The following RNF220 variants were observed in gnomAD, a reference collection of about 807,000 sequenced individuals.
RNF220 encodes ring finger protein 220.
Under a neutral mutation model 67.1 loss-of-function variants are expected in RNF220, and 7 were observed. That is an observed-to-expected ratio of 0.10 (90% CI 0.06 to 0.20). The LOEUF (loss-of-function observed/expected upper bound fraction) is 0.20. Ranked by LOEUF, RNF220 falls within the 10% of genes least tolerant of loss-of-function variation. RNF220 has a pLI of 1.00. For synonymous variants in RNF220, 270 were observed against 283.2 expected (o/e 0.95, Z 0.47); for missense variants, 565 against 740.3 (o/e 0.76, Z 2.75).
At chr1:44,493,563 C>T (rs1657053590) in intron 2 of RNF220, among the ~76,000 whole-genome samples, 1 of 152,050 alleles carries the variant, frequency 6.6e-6, no homozygotes, top group African/African-American at 2.4e-5. Flanking sequence ...TGTGTTTAGA[C>T]TTGGATCCTA....
Position 44,649,858 on chromosome 1 carries a change from C to T in RNF220, c.1555-25C>T, listed in dbSNP as rs752551970. The T allele has an allele frequency of 6.2e-7, 1 of 1,613,816 alleles. No individual in the cohort carries two copies. The highest frequency in any genetic ancestry group is 8.5e-7 in the Non-Finnish European group (1 of 1,179,792). On this transcript the variant is annotated intron_variant, in intron 13 of 14. Coordinates refer to ENST00000361799, the MANE Select transcript of RNF220 (RefSeq NM_018150.4). The surrounding 1 kb of genome is among the most constrained non-coding windows in gnomAD (Gnocchi z 5.9). The stretch of plus-strand genomic sequence containing the variant: ...GAGGGTGGGCCTACCTCAGAGTGAC[C>T]CCTTCTCTGCCCCCTCCTCCCTAGG...
intron 2 of RNF220, among the ~76,000 whole-genome samples, chr1:44,496,491 G>A (rs1328366943): frequency 6.6e-6 from 1 of 152,090 alleles, no homozygotes; most frequent in Non-Finnish European, 1.5e-5. Flanking sequence ...TTAATGCTAA[G>A]GAAAAAAGGG....
intron 2 of RNF220, among the ~76,000 whole-genome samples, chr1:44,488,137 A>ATT (rs34017881): frequency 0.019 from 2,578 of 137,322 alleles, 59 homozygotes; most frequent in African/African-American, 0.045. Flanking sequence ...TGCCTTGCTG[A>ATT]TTTTTTTTTT....
At chr1:44,569,847 G>T (rs771426068) in intron 2 of RNF220, among the ~76,000 whole-genome samples, 6 of 152,174 alleles carry the variant, frequency 3.9e-5, no homozygotes, top group Non-Finnish European at 7.4e-5. Flanking sequence ...TTGTTTAGAC[G>T]CCCTCTACCC....
Position 44,496,584 on chromosome 1 carries a change from G to A in RNF220, c.625+83862G>A, listed in dbSNP as rs116593555. On this transcript the variant is annotated intron_variant, in intron 2 of 14. Transcript: ENST00000361799. ...CCAAGGGGAAAAAGCCACATGCCCC[G>A]GCGTAGGAAAGGGTGACTTGTCACT... is the stretch of plus-strand genomic sequence containing the variant. Among the ~76,000 whole-genome samples, 1,135 of 152,218 alleles carry A rather than the reference G, an allele frequency of 7.5e-3. 13 individuals are homozygous for A. The highest frequency in any genetic ancestry group is 0.026 in the African/African-American group (1,082 of 41,532).
At chr1:44,411,682 C>G (rs998713192) in intron 1 of RNF220, among the ~76,000 whole-genome samples, 10 of 152,188 alleles carry the variant, frequency 6.6e-5, no homozygotes, top group African/African-American at 1.4e-4. Flanking sequence ...CTCATTTGTT[C>G]AGAGAATATC....
At chr1:44,578,386 T>C (rs1032299843) in intron 2 of RNF220, among the ~76,000 whole-genome samples, 4 of 152,086 alleles carry the variant, frequency 2.6e-5, no homozygotes, top group African/African-American at 9.7e-5. Flanking sequence ...TGGCCTCAAG[T>C]GATCCTCCCA....
chr1:44,415,030 T>C (rs2147814154), intron 2 of RNF220, among the ~76,000 whole-genome samples: 1 of 148,324 alleles, frequency 6.7e-6, no homozygotes, highest in South Asian at 2.2e-4. Flanking sequence ...CTTCCTTACC[T>C]TAGGTGGTTA....
intron 2 of RNF220, among the ~76,000 whole-genome samples, chr1:44,416,015 GCAT>G (rs56700584): frequency 0.17 from 26,248 of 152,168 alleles, 2,809 homozygotes; most frequent in Admixed American, 0.25. Context: ...TTTGGGTCAA[GCAT>G]CATCTTTCCT....
chr1:44,491,662 C>CTT (rs559101799), intron 2 of RNF220, among the ~76,000 whole-genome samples: 1 of 145,062 alleles, frequency 6.9e-6, no homozygotes, highest in Admixed American at 6.9e-5. Context: ...GATGTCCACT[C>CTT]TTTTTTTTTT....
chr1:44,507,509 C>T (rs1166497685), intron 2 of RNF220, among the ~76,000 whole-genome samples: 4 of 151,828 alleles, frequency 2.6e-5, no homozygotes, highest in African/African-American at 7.3e-5. Context: ...TTCTTGGCCT[C>T]GTCAGTCCTG....
intron 2 of RNF220, among the ~76,000 whole-genome samples, chr1:44,514,015 C>A (rs768766047): frequency 6.6e-6 from 1 of 152,234 alleles, no homozygotes; most frequent in Admixed American, 6.5e-5. Context: ...ATAGTATCAC[C>A]ACAGCAGACC....
intron 2 of RNF220, among the ~76,000 whole-genome samples, chr1:44,601,224 A>AT (rs1666895914): frequency 6.6e-6 from 1 of 152,218 alleles, no homozygotes; most frequent in African/African-American, 2.4e-5. Flanking sequence ...AGTAGTTACC[A>AT]TAGAATGGTG....
intron 2 of RNF220, among the ~76,000 whole-genome samples, chr1:44,539,442 T>A (rs1661506472): frequency 1.3e-5 from 2 of 152,086 alleles, no homozygotes; most frequent in Admixed American, 6.5e-5. Flanking sequence ...TAAATACCAT[T>A]GAGCCACTCT....
intron 2 of RNF220, among the ~76,000 whole-genome samples, chr1:44,586,759 C>T (rs1044188881): frequency 2.6e-5 from 4 of 152,106 alleles, no homozygotes; most frequent in South Asian, 2.1e-4. Flanking sequence ...AGAGGAATAT[C>T]GCAAGGGCAA....
chr1:44,483,774 T>A (rs189460902), intron 2 of RNF220, among the ~76,000 whole-genome samples: 173 of 152,330 alleles, frequency 1.1e-3, no homozygotes, highest in African/African-American at 4.0e-3. Flanking sequence ...TGATTTATAG[T>A]TTGCTTTTGC....
intron 2 of RNF220, among the ~76,000 whole-genome samples, chr1:44,425,338 C>T (rs1207447247): frequency 6.6e-6 from 1 of 152,184 alleles, no homozygotes; most frequent in African/African-American, 2.4e-5. Flanking sequence ...CCATGTCTGT[C>T]TCCCTATGTG....
chr1:44,493,925 G>A (rs115381549), intron 2 of RNF220, among the ~76,000 whole-genome samples: 2,015 of 152,118 alleles, frequency 0.013, 39 homozygotes, highest in African/African-American at 0.046. Flanking sequence ...GAAAAAAATG[G>A]CCCAGGCACG....
intron 8 of RNF220, among the ~76,000 whole-genome samples, chr1:44,642,523 G>A (rs1644516966): frequency 6.6e-6 from 1 of 152,194 alleles, no homozygotes; most frequent in Non-Finnish European, 1.5e-5. Flanking sequence ...TAGGCAGAGA[G>A]CAGGAGGTGC....
Sources: gnomAD v4.1 joint callset for allele counts (sites outside exome capture counted in the v4.1 genomes callset) on GRCh38, gnomAD v4.1.1 for gene constraint, Gnocchi (gnomAD v3.1) non-coding constraint, MANE v1.5 for transcripts, NCBI Gene and HGNC (gene_info 2026-07-23, HGNC 2026-07-21) for gene names.